Variants in TASOR observed in about 807,000 individuals in gnomAD.
The protein encoded by TASOR is protein TASOR.
In TASOR, 53 loss-of-function variants were observed where a neutral mutation model predicts 178.6. The observed-to-expected ratio is 0.30, with a 90% CI of 0.24 to 0.37. The LOEUF is 0.37. Ranked by LOEUF, TASOR falls within the 10% of genes least tolerant of loss-of-function variation. The pLI, the probability that TASOR is intolerant of heterozygous loss-of-function variation, is 1.00. For synonymous variants in TASOR, 713 were observed against 696.2 expected (o/e 1.02, Z -0.38); for missense variants, 1,815 against 1,971.4 (o/e 0.92, Z 1.50).
Position 56,651,466 on chromosome 3 carries a change from G to C in TASOR, c.1369-2409C>G, listed in dbSNP as rs72879375. Among the ~76,000 whole-genome samples the C allele has an allele frequency of 3.7e-3, 568 of 152,214 alleles. 4 individuals are homozygous for C. The highest frequency in any genetic ancestry group is 0.013 in the African/African-American group (546 of 41,526). On this transcript the variant is annotated intron_variant, in intron 11 of 23. Coordinates refer to ENST00000683822, the MANE Select transcript of TASOR (RefSeq NM_001365635.2). ...TCTCAGCACTTTGGGAAGTCGAAGT[G>C]GGAGGAGGATTGCTTGAAGCCAGGA...
Position 56,647,231 on chromosome 3 carries a change from T to A in TASOR, c.1514-8A>T, listed in dbSNP as rs752993893. ...TGGTTGAACCTTTTTGTGCTGTAAA[T>A]AAAACAAACAAACAAAAAAGCAAAC... On this transcript the variant is annotated splice_polypyrimidine_tract_variant and splice_region_variant and intron_variant, in intron 13 of 23. Coordinates refer to ENST00000683822, the MANE Select transcript of TASOR (RefSeq NM_001365635.2). 1 of 1,514,396 alleles carries A rather than the reference T, an allele frequency of 6.6e-7. No individual in the cohort carries two copies. The highest frequency in any genetic ancestry group is 1.4e-5 in the South Asian group (1 of 72,366). The allele number at this position is 1,514,396 out of a possible 1,614,324, so 93.8% of individuals were successfully genotyped here.
At chr3:56,673,799 G>A in intron 1 of TASOR, 74 bp from the exon 2 acceptor site, 2 of 1,304,978 alleles carry the variant, frequency 1.5e-6, no homozygotes, top group Non-Finnish European at 2.0e-6. Flanking sequence ...TATTTTTGTG[G>A]GTTAATGTAA....
Position 56,662,403 on chromosome 3 carries a change from G to A in TASOR, c.1142C>T (p.Ala381Val). The part of the protein sequence containing the change: ...CYISLRSATR[A>V]FLPIKLPEKL... ...TACTTACAGTTTGATAGGCAAAAAAGCACGAGTGGCTGACCTCAGAGAAAT... is the reference window on the plus strand; with the variant it reads ...TACTTACAGTTTGATAGGCAAAAAAACACGAGTGGCTGACCTCAGAGAAAT... The change falls in exon 9 of 24, where the codon GCT becomes GTT. Residue 381 changes from alanine to valine, a missense_variant. Around this residue, in one of 5 missense-constraint regions of TASOR, gnomAD observed 504 missense variants for 645.3 expected, o/e 0.78. Transcript: ENST00000683822. 8 of 1,547,612 alleles carry A rather than the reference G, an allele frequency of 5.2e-6. No individual in the cohort carries two copies. The highest frequency in any genetic ancestry group is 7.0e-6 in the Non-Finnish European group (8 of 1,144,258).
chr3:56,654,164 G>T (rs1347271902), intron 11 of TASOR, among the ~76,000 whole-genome samples: 1 of 152,120 alleles, frequency 6.6e-6, no homozygotes, highest in Non-Finnish European at 1.5e-5. Context: ...CTACTTGGGA[G>T]GCTGAGGCAG....
intron 18 of TASOR, among the ~76,000 whole-genome samples, chr3:56,632,757 G>C (rs116755069): frequency 0.026 from 4,009 of 152,044 alleles, 97 homozygotes; most frequent in African/African-American, 0.061. Context: ...CCTCCCACTT[G>C]AGCTTCCCAA....
chr3:56,623,288 CTGTTGA>C lies in TASOR; in HGVS notation c.4756_4761del (p.Ser1586_Thr1587del), dbSNP rs2076727970. On this transcript the variant is annotated inframe_deletion, in exon 24 of 24. Transcript: ENST00000683822. ...TGAAAGTTACTATATGAATCTTGTT[CTGTTGA>C]ATTGCTGTTCTCTCCTTCAGAGCAT... 6.2e-7 allele frequency: 1 copy of C among 1,613,484 alleles called. No homozygotes were observed. The highest frequency in any genetic ancestry group is 8.5e-7 in the Non-Finnish European group (1 of 1,179,914).
In TASOR at chr3:56,633,468, C is replaced by A; in HGVS notation, c.3323G>T (p.Gly1108Val). The change falls in exon 18 of 24, where the codon GGT (glycine) becomes GTT (valine). Residue 1108 changes from glycine (G) to valine (V), a missense_variant. Physicochemically the swap from Gly to Val is moderately radical, Grantham distance 109 (BLOSUM62 -3). This residue lies in a region of TASOR where 655 missense variants were observed against 671.1 expected (regional missense o/e 0.98). Coordinates refer to ENST00000683822, the MANE Select transcript of TASOR (RefSeq NM_001365635.2). ...CAGAGGATTCGATGCTATCTTAGCA[C>A]CAGAATCGTTAGGACTGACTGGTGG... is the stretch of plus-strand genomic sequence containing the variant. The part of the protein sequence containing the change: ...NLPPVSPNDS[G>V]AKIASNPLER... 1 of 1,614,112 alleles carries A rather than the reference C, an allele frequency of 6.2e-7. No homozygotes were observed. Among genetic ancestry groups the A allele is most frequent in the Non-Finnish European group, 8.5e-7 (1 of 1,180,002 alleles).
At chr3:56,665,823 T>A (rs13093466) in intron 7 of TASOR, among the ~76,000 whole-genome samples, 1 of 151,964 alleles carries the variant, frequency 6.6e-6, no homozygotes, top group African/African-American at 2.4e-5. Context: ...TACAAAAAAA[T>A]TAGCCAGGCA....
chr3:56,661,119 C>G (rs2077584528), intron 9 of TASOR, 102 bp from the exon 10 acceptor site: 1 of 697,072 alleles, frequency 1.4e-6, no homozygotes, highest in Non-Finnish European at 2.4e-6. Context: ...AATAGAAGAG[C>G]ATATCTACGA....
In TASOR at chr3:56,621,894, ACTTAC is replaced by A. The variant is rs1193666016; in HGVS notation, c.*1138_*1142del. 1 of 191,718 alleles carries A rather than the reference ACTTAC, an allele frequency of 5.2e-6. No homozygotes were observed. Among genetic ancestry groups the A allele is most frequent in the African/African-American group, 2.4e-5 (1 of 42,214 alleles). 11.9% of individuals were successfully genotyped at this position (191,718 alleles called of 1,614,324 possible). A position where few individuals can be genotyped will look rare whatever the true frequency, so the allele number is the denominator to read the frequency against. ...TTGAAGCCCTATAAAAACACTTTCT[ACTTAC>A]CTTAATATAGTCTGGCGTTGCTGGG... On this transcript the variant is annotated 3_prime_UTR_variant, in exon 24 of 24. Coordinates refer to ENST00000683822, the MANE Select transcript of TASOR (RefSeq NM_001365635.2).
Position 56,633,785 on chromosome 3 carries a change from A to G in TASOR, c.3006T>C (p.Cys1002=). The part of the protein sequence containing the change: ...DVLTGQVEEQ[C]VPAAEAEPPA... The stretch of plus-strand genomic sequence containing the variant: ...GCGGCTCTGCCTCTGCTGCTGGCAC[A>G]CACTGCTCCTCCACCTGACCTGTCA... The change falls in exon 18 of 24, where the codon TGT becomes TGC. Residue 1002 remains cysteine, a synonymous_variant. Coordinates refer to ENST00000683822, the MANE Select transcript of TASOR (RefSeq NM_001365635.2). 1 of 1,614,168 alleles carries G rather than the reference A, an allele frequency of 6.2e-7. No individual in the cohort carries two copies. Among genetic ancestry groups the G allele is most frequent in the Non-Finnish European group, 8.5e-7 (1 of 1,180,030 alleles).
intron 18 of TASOR, among the ~76,000 whole-genome samples, chr3:56,632,021 AG>A (rs1396810467): frequency 6.6e-6 from 1 of 152,236 alleles, no homozygotes; most frequent in Non-Finnish European, 1.5e-5. Context: ...TAAAGGCTAA[AG>A]GGAATGTTAC....
intron 6 of TASOR, 140 bp downstream of exon 6, chr3:56,668,257 C>T (rs2030274349): frequency 8.2e-6 from 6 of 731,388 alleles, no homozygotes; most frequent in Non-Finnish European, 1.3e-5. Context: ...CAGCAACAGA[C>T]ACTGGAGTCT....
intron 1 of TASOR, among the ~76,000 whole-genome samples, chr3:56,680,133 T>C (rs181845744): frequency 2.0e-5 from 3 of 152,294 alleles, no homozygotes; most frequent in African/African-American, 7.2e-5. Context: ...AGATTTTTCT[T>C]TTTTATAGTA....
In TASOR at chr3:56,671,793, T is replaced by C. The variant is rs1049165032; in HGVS notation, c.478-101A>G. On this transcript the variant is annotated intron_variant, in intron 2 of 23. Coordinates refer to ENST00000683822, the MANE Select transcript of TASOR (RefSeq NM_001365635.2). ...CCAAGAAATCTCACACCTACCAAAA[T>C]GGAAAAATAATCTCTATCTCTCTAT... 8 of 835,956 alleles carry C rather than the reference T, an allele frequency of 9.6e-6. No individual in the cohort carries two copies. In the African/African-American group the frequency reaches 1.0e-4, roughly 11 times the overall value. The allele number at this position is 835,956 out of a possible 1,614,324, so 51.8% of individuals were successfully genotyped here.
chr3:56,624,598 A>G lies in TASOR; in HGVS notation c.4364T>C (p.Val1455Ala), dbSNP rs2076758728. ...MLSSYTDNGI[V>A]VATAEDFMQN... ...CATGAAGTCTTCAGCAGTTGCAACC[A>G]CTATTCCATTATCTGTATAACTGGA... Residue 1455 changes from valine (V) to alanine (A), a missense_variant, in exon 23 of 24, where the codon GTG becomes GCG. Val to Ala is a moderately conservative substitution (Grantham distance 64). This residue lies in a region of TASOR where 278 missense variants were observed against 257.1 expected (regional missense o/e 1.08). Transcript: ENST00000683822. 12 of 1,613,962 alleles carry G rather than the reference A, an allele frequency of 7.4e-6. No individual in the cohort carries two copies. Among genetic ancestry groups the G allele is most frequent in the Non-Finnish European group, 8.5e-6 (10 of 1,179,966 alleles).
intron 7 of TASOR, chr3:56,663,797 T>C (rs2077650002): frequency 9.9e-7 from 1 of 1,014,198 alleles, no homozygotes; most frequent in African/African-American, 1.7e-5. Context: ...TTACCCAAAT[T>C]TAAGGGAGTT....
intron 1 of TASOR, 74 bp downstream of exon 1, chr3:56,682,602 G>A (rs2031903795): frequency 7.6e-7 from 1 of 1,323,070 alleles, no homozygotes; most frequent in Non-Finnish European, 1.0e-6. Flanking sequence ...GGTGTGGGAA[G>A]AGGAGATAGA....
intron 1 of TASOR, among the ~76,000 whole-genome samples, chr3:56,676,974 G>A (rs143201991): frequency 7.0e-4 from 107 of 152,290 alleles, no homozygotes; most frequent in Middle Eastern, 3.4e-3. Context: ...CAGTGGCTTC[G>A]TTAGGCCGGT....
Sources: gnomAD v4.1 joint callset for allele counts (sites outside exome capture counted in the v4.1 genomes callset) on GRCh38, gnomAD v4.1.1 for gene constraint, gnomAD v4.1.1 regional missense constraint, MANE v1.5 for transcripts, NCBI Gene and HGNC (gene_info 2026-07-23, HGNC 2026-07-21) for gene names.